The following INSYN2A variants were observed in gnomAD, a reference collection of about 807,000 sequenced individuals.
INSYN2A encodes the protein family with sequence similarity 196 member A.
INSYN2A carries 17 observed loss-of-function variants against 39.4 expected under a neutral mutation model. That is an observed-to-expected ratio of 0.43 (90% CI 0.30 to 0.65). The LOEUF (loss-of-function observed/expected upper bound fraction) is 0.65, where lower values mean the gene tolerates loss of function less well. Ranked by LOEUF, INSYN2A falls within the 30% of genes least tolerant of loss-of-function variation. The pLI, the probability that INSYN2A is intolerant of heterozygous loss-of-function variation, is 0.14. For missense variants in INSYN2A, 595 were observed against 631.2 expected, an observed-to-expected ratio of 0.94 and a Z score of 0.61; for synonymous variants, 255 against 265.7, an observed-to-expected ratio of 0.96 and a Z score of 0.39.
chr10:127,176,081 C>T lies in INSYN2A; in HGVS notation c.315G>A (p.Val105=). 1 of 1,614,158 alleles carries T rather than the reference C, an allele frequency of 6.2e-7. No homozygotes were observed. The highest frequency in any genetic ancestry group is 8.5e-7 in the Non-Finnish European group (1 of 1,180,024). ...SIPNVTKSTG[V]QTSPDLKKCY... Reference sequence around the variant, plus strand: ...ACTTCTTAAGGTCGGGCGAGGTCTGCACGCCTGTGCTCTTGGTGACGTTGG... The same window carrying T: ...ACTTCTTAAGGTCGGGCGAGGTCTGTACGCCTGTGCTCTTGGTGACGTTGG... The change falls in exon 4 of 6, where the codon GTG becomes GTA. Residue 105 remains valine, a synonymous_variant. Coordinates refer to ENST00000522781, the MANE Select transcript of INSYN2A (RefSeq NM_001039762.3). The surrounding 1 kb of genome is among the most constrained non-coding windows in gnomAD (Gnocchi z 4.4).
At chr10:127,147,897 G>A (rs529465985) in intron 5 of INSYN2A, among the ~76,000 whole-genome samples, 9 of 151,656 alleles carry the variant, frequency 5.9e-5, no homozygotes, top group African/African-American at 9.7e-5. Flanking sequence ...CAGGATTGGC[G>A]GTGCGCGCAC....
intron 1 of INSYN2A, among the ~76,000 whole-genome samples, chr10:127,195,363 G>A (rs1481914381): frequency 6.6e-6 from 1 of 152,192 alleles, no homozygotes; most frequent in Non-Finnish European, 1.5e-5. Flanking sequence ...CGGGCTGCCA[G>A]GCACCGGGAA....
intron 4 of INSYN2A, among the ~76,000 whole-genome samples, chr10:127,160,257 T>G (rs2090753453): frequency 6.6e-6 from 1 of 152,182 alleles, no homozygotes. Flanking sequence ...CTAATAGTAA[T>G]TACAGTACTA....
intron 5 of INSYN2A, among the ~76,000 whole-genome samples, chr10:127,141,099 T>A (rs1228553365): frequency 6.6e-6 from 1 of 152,226 alleles, no homozygotes; most frequent in Non-Finnish European, 1.5e-5. Flanking sequence ...CTTTCTGGGC[T>A]CATGGCATGG....
At chr10:127,193,853 G>T (rs901730117) in intron 1 of INSYN2A, among the ~76,000 whole-genome samples, 2 of 152,192 alleles carry the variant, frequency 1.3e-5, no homozygotes, top group African/African-American at 4.8e-5. Context: ...AGTAAACAGA[G>T]TAATAGAGTA....
chr10:127,190,465 AT>A (rs1278531301), intron 2 of INSYN2A, among the ~76,000 whole-genome samples: 2 of 152,168 alleles, frequency 1.3e-5, no homozygotes, highest in Non-Finnish European at 2.9e-5. Flanking sequence ...CTCATTAAAT[AT>A]TTATTAAGCA....
chr10:127,139,629 T>C (rs995889868), intron 5 of INSYN2A, among the ~76,000 whole-genome samples: 1 of 152,174 alleles, frequency 6.6e-6, no homozygotes, highest in Non-Finnish European at 1.5e-5. Flanking sequence ...ATTAATGAAA[T>C]CCGGGCCTCA....
intron 5 of INSYN2A, among the ~76,000 whole-genome samples, chr10:127,145,527 G>A (rs565053240): frequency 2.6e-5 from 4 of 152,052 alleles, no homozygotes; most frequent in Admixed American, 6.5e-5. Flanking sequence ...GATGACACAG[G>A]GCTGTTGTCC....
Position 127,158,848 on chromosome 10 carries a change from G to T in INSYN2A, c.1185-4925C>A, listed in dbSNP as rs765696309. On this transcript the variant is annotated intron_variant, in intron 4 of 5. Transcript: ENST00000522781. Reference sequence around the variant, plus strand: ...CAATGCATATAGCTTGGAAAACATCGCATTCAGCACCAGGGACAGTGTTAA... The same window carrying T: ...CAATGCATATAGCTTGGAAAACATCTCATTCAGCACCAGGGACAGTGTTAA... Among the ~76,000 whole-genome samples the T allele has an allele frequency of 1.9e-4, 29 of 152,192 alleles. 1 individual carries two copies. The highest frequency in any genetic ancestry group is 8.3e-4 in the South Asian group (4 of 4,816).
At chr10:127,166,236 T>G (rs2054072583) in intron 4 of INSYN2A, among the ~76,000 whole-genome samples, 1 of 152,098 alleles carries the variant, frequency 6.6e-6, no homozygotes, top group South Asian at 2.1e-4. Flanking sequence ...CAGCTAATTT[T>G]TTTTATTTTT....
chr10:127,160,538 T>G (rs1284213844), intron 4 of INSYN2A, among the ~76,000 whole-genome samples: 2 of 152,176 alleles, frequency 1.3e-5, no homozygotes, highest in East Asian at 3.9e-4. Flanking sequence ...CCTTGTTAAT[T>G]TTCAGCCAGT....
At chr10:127,192,038 C>T (rs2056790692) in intron 2 of INSYN2A, among the ~76,000 whole-genome samples, 3 of 152,196 alleles carry the variant, frequency 2.0e-5, no homozygotes, top group African/African-American at 7.2e-5. Flanking sequence ...ATATAAACTT[C>T]AACAAGCATT....
At chr10:127,156,947 C>T (rs1028193852) in intron 4 of INSYN2A, among the ~76,000 whole-genome samples, 6 of 152,120 alleles carry the variant, frequency 3.9e-5, no homozygotes, top group Middle Eastern at 3.2e-3. Flanking sequence ...TCCTCCATTA[C>T]GGTCAGTAAG....
chr10:127,181,204 G>A (rs770538313), intron 2 of INSYN2A, among the ~76,000 whole-genome samples: 103 of 152,314 alleles, frequency 6.8e-4, no homozygotes, highest in Non-Finnish European at 1.2e-3. Flanking sequence ...ACGTGCCTGC[G>A]TATGTATTTG....
rs1280550897 is a variant in INSYN2A at position 127,137,278 on chromosome 10, C to T, written c.*559G>A. On this transcript the variant is annotated 3_prime_UTR_variant, in exon 6 of 6. Coordinates refer to ENST00000522781, the MANE Select transcript of INSYN2A (RefSeq NM_001039762.3). ...GCTATAGCACATGAAGGCAAATATACATATAGTCACATTTTAGAGATTATT... is the reference window on the plus strand; with the variant it reads ...GCTATAGCACATGAAGGCAAATATATATATAGTCACATTTTAGAGATTATT... 6.5e-6 allele frequency: 1 copy of T among 152,794 alleles called. No homozygotes were observed. Among genetic ancestry groups the T allele is most frequent in the African/African-American group, 2.4e-5 (1 of 41,448 alleles). 9.5% of individuals were successfully genotyped at this position (152,794 alleles called of 1,614,324 possible). A position where few individuals can be genotyped will look rare whatever the true frequency, so the allele number is the denominator to read the frequency against.
chr10:127,166,955 T>G (rs2054140964), intron 4 of INSYN2A, among the ~76,000 whole-genome samples: 1 of 152,166 alleles, frequency 6.6e-6, no homozygotes, highest in Non-Finnish European at 1.5e-5. Flanking sequence ...AAATCTATTT[T>G]GGCATTCTGC....
At chr10:127,193,367 C>T (rs745710087) in intron 1 of INSYN2A, among the ~76,000 whole-genome samples, 12 of 152,154 alleles carry the variant, frequency 7.9e-5, no homozygotes, top group African/African-American at 2.4e-4. Flanking sequence ...GCTATGGACG[C>T]GTTGAACAGC....
Position 127,135,783 on chromosome 10 carries a change from A to T in INSYN2A, c.*2054T>A, listed in dbSNP as rs1238329434. The T allele has an allele frequency of 6.6e-6, 1 of 152,518 alleles. No homozygotes were observed. Among genetic ancestry groups the T allele is most frequent in the Non-Finnish European group, 1.5e-5 (1 of 68,016 alleles). 9.4% of individuals were successfully genotyped at this position (152,518 alleles called of 1,614,324 possible). Reference sequence around the variant, plus strand: ...GTGAAACAGTGACATTATTTTGTGTACTAGGATGTCCTCTTGTTTAGACAG... The same window carrying T: ...GTGAAACAGTGACATTATTTTGTGTTCTAGGATGTCCTCTTGTTTAGACAG... On this transcript the variant is annotated 3_prime_UTR_variant, in exon 6 of 6. Transcript: ENST00000522781.
intron 4 of INSYN2A, among the ~76,000 whole-genome samples, chr10:127,168,407 C>T (rs1488377431): frequency 1.3e-5 from 2 of 152,234 alleles, no homozygotes; most frequent in African/African-American, 4.8e-5. Context: ...AACCTTTTTG[C>T]TTCTGATCTC....
Sources: gnomAD v4.1 joint callset for allele counts (sites outside exome capture counted in the v4.1 genomes callset) on GRCh38, gnomAD v4.1.1 for gene constraint, Gnocchi (gnomAD v3.1) non-coding constraint, MANE v1.5 for transcripts, NCBI Gene and HGNC (gene_info 2026-07-23, HGNC 2026-07-21) for gene names.